Variants in SYNE1 observed in about 807,000 individuals in gnomAD.
The protein encoded by SYNE1 is spectrin repeat containing nuclear envelope protein 1, also known as nesprin-1.
SYNE1 carries 616 observed loss-of-function variants against 1,111.0 expected under a neutral mutation model. The observed-to-expected ratio is 0.55, with a 90% CI of 0.52 to 0.59. The LOEUF (loss-of-function observed/expected upper bound fraction) is 0.59, where lower values mean the gene tolerates loss of function less well. SYNE1 is among the 20% of genes least tolerant of loss of function. The pLI, the probability that SYNE1 is intolerant of heterozygous loss-of-function variation, is 0.00. For missense variants in SYNE1, 10,006 were observed against 10,417.0 expected, an observed-to-expected ratio of 0.96 and a Z score of 1.72; for synonymous variants, 3,855 against 3,825.8, an observed-to-expected ratio of 1.01 and a Z score of -0.28.
intron 6 of SYNE1, among the ~76,000 whole-genome samples, chr6:152,513,496 G>T (rs532419452): frequency 6.6e-6 from 1 of 152,012 alleles, no homozygotes; most frequent in Non-Finnish European, 1.5e-5. Flanking sequence ...ACCACACCCG[G>T]CTAATTTTTG....
intron 59 of SYNE1, among the ~76,000 whole-genome samples, chr6:152,372,003 CAAGT>C (rs907781820): frequency 2.6e-5 from 4 of 151,746 alleles, no homozygotes; most frequent in Non-Finnish European, 5.9e-5. Context: ...AGGAAAGAAT[CAAGT>C]AAAACAGATA....
At chr6:152,486,316 T>G (rs2098940274) in intron 12 of SYNE1, among the ~76,000 whole-genome samples, 2 of 152,168 alleles carry the variant, frequency 1.3e-5, no homozygotes, top group African/African-American at 4.8e-5. Flanking sequence ...AATGCAGCAT[T>G]TGCTACAGAT....
chr6:152,515,652 C>T (rs1448093895), intron 6 of SYNE1, among the ~76,000 whole-genome samples: 1 of 152,198 alleles, frequency 6.6e-6, no homozygotes, highest in Non-Finnish European at 1.5e-5. Context: ...TGGAACTCAC[C>T]TCATTCCTTT....
rs546948488 is a variant in SYNE1 at position 152,600,029 on chromosome 6, G to A, written c.67+28236C>T. Among the ~76,000 whole-genome samples, 4 of 152,298 alleles carry A rather than the reference G, an allele frequency of 2.6e-5. No homozygotes were observed. In the East Asian group the frequency reaches 5.8e-4, roughly 22 times the overall value. On this transcript the variant is annotated intron_variant, in intron 3 of 145. Transcript: ENST00000367255. ...AGAGATTCAGTAAATTCTATAAAAT[G>A]TCTCCCCTTTAGTGCCAACAAGAGC...
chr6:152,421,691 A>C (rs916104191), intron 39 of SYNE1, among the ~76,000 whole-genome samples: 1 of 148,680 alleles, frequency 6.7e-6, no homozygotes, highest in African/African-American at 2.5e-5. Context: ...TTATTTATTT[A>C]TTTATTTATT....
intron 41 of SYNE1, among the ~76,000 whole-genome samples, chr6:152,415,789 T>TAAAA (rs1209590450): frequency 0.021 from 1,558 of 72,988 alleles, 134 homozygotes; most frequent in African/African-American, 0.036. Context: ...TTCAAAGTGG[T>TAAAA]AAAAAAAAAA....
intron 5 of SYNE1, among the ~76,000 whole-genome samples, 165 bp downstream of exon 5, chr6:152,525,915 T>C (rs2099161469): frequency 6.6e-6 from 1 of 152,188 alleles, no homozygotes. Context: ...AATATATTCC[T>C]TGCACCTAGA....
chr6:152,251,174 C>G (rs546358333), intron 104 of SYNE1, among the ~76,000 whole-genome samples: 2 of 152,016 alleles, frequency 1.3e-5, no homozygotes, highest in South Asian at 4.1e-4. Flanking sequence ...TGGTCGCGAA[C>G]TCCTGAGCTC....
chr6:152,442,103 C>A lies in SYNE1; in HGVS notation c.3980G>T (p.Ser1327Ile). ...GATGCGGCGTTCCTGCCTCTCCCGG[C>A]TGCGCTCCAGGCCATCCAGTGTGCT... is the stretch of plus-strand genomic sequence containing the variant. The part of the protein sequence containing the change: ...LESTLDGLER[S>I]RERQERRIQV... The change falls in exon 31 of 146, where the codon AGC (serine) becomes ATC (isoleucine). Residue 1327 changes from serine (S) to isoleucine (I), a missense_variant. This residue lies in a region of SYNE1 where 1,971 missense variants were observed against 2,084.1 expected (regional missense o/e 0.95). Transcript: ENST00000367255. 6.2e-7 allele frequency: 1 copy of A among 1,614,118 alleles called. No homozygotes were observed. Among genetic ancestry groups the A allele is most frequent in the East Asian group, 2.2e-5 (1 of 44,884 alleles).
At chr6:152,226,452 C>G (rs570274457) in intron 115 of SYNE1, among the ~76,000 whole-genome samples, 2 of 152,146 alleles carry the variant, frequency 1.3e-5, no homozygotes, top group Non-Finnish European at 2.9e-5. Context: ...CTCTAAAATA[C>G]TCTGAATTCT....
At chr6:152,606,647 G>T (rs955324848) in intron 3 of SYNE1, among the ~76,000 whole-genome samples, 22 of 151,234 alleles carry the variant, frequency 1.5e-4, no homozygotes, top group Admixed American at 4.0e-4. Flanking sequence ...GAGTTTTTTT[G>T]TTTGTTTGTT....
At chr6:152,576,995 T>C (rs2099499187) in intron 3 of SYNE1, among the ~76,000 whole-genome samples, 1 of 152,184 alleles carries the variant, frequency 6.6e-6, no homozygotes, top group African/African-American at 2.4e-5. Flanking sequence ...AATGCCAGCT[T>C]TTATTGTCAG....
At chr6:152,227,057 A>C (rs2081754447) in intron 115 of SYNE1, among the ~76,000 whole-genome samples, 1 of 152,190 alleles carries the variant, frequency 6.6e-6, no homozygotes, top group Non-Finnish European at 1.5e-5. Context: ...AATAAGATTG[A>C]AATTGGATAG....
chr6:152,247,727 T>TTATA (rs1183787546), intron 105 of SYNE1, among the ~76,000 whole-genome samples: 3,656 of 117,424 alleles, frequency 0.031, 89 homozygotes, highest in East Asian at 0.058. Flanking sequence ...ATATTTTTTA[T>TTATA]TATATATATA....
chr6:152,371,385 C>T (rs2097177094), intron 59 of SYNE1, among the ~76,000 whole-genome samples: 1 of 151,710 alleles, frequency 6.6e-6, no homozygotes, highest in African/African-American at 2.4e-5. Flanking sequence ...TATTTGCTTC[C>T]CCTTCTGCCA....
Position 152,133,324 on chromosome 6 carries a change from A to G in SYNE1, c.25953T>C (p.Arg8651=). Residue 8651 remains arginine (R), a synonymous_variant, in exon 143 of 146, where the codon CGT becomes CGC. Transcript: ENST00000367255. ...RLKLLLKEVS[R]HIKELEKLLD... The stretch of plus-strand genomic sequence containing the variant: ...ATAACTTCTCCAGTTCCTTGATATG[A>G]CGACTGACCTCCTTCAAGAGAAGTT... The G allele has an allele frequency of 1.2e-6, 2 of 1,614,146 alleles. No individual in the cohort carries two copies. The highest frequency in any genetic ancestry group is 1.7e-6 in the Non-Finnish European group (2 of 1,180,014).
chr6:152,363,730 T>A (rs1486563050), intron 63 of SYNE1: 3 of 454,836 alleles, frequency 6.6e-6, no homozygotes, highest in African/African-American at 6.0e-5. Flanking sequence ...TAGCCCCTGA[T>A]GTACTCTCAG....
chr6:152,165,183 A>G (rs2063393408), intron 130 of SYNE1, among the ~76,000 whole-genome samples: 1 of 151,614 alleles, frequency 6.6e-6, no homozygotes, highest in African/African-American at 2.4e-5. Context: ...GCCAACTACC[A>G]GCCACCACCG....
intron 143 of SYNE1, among the ~76,000 whole-genome samples, chr6:152,132,731 T>G (rs2056111649): frequency 6.6e-6 from 1 of 152,188 alleles, no homozygotes; most frequent in Non-Finnish European, 1.5e-5. Flanking sequence ...ATGGCAGGAT[T>G]TCACAGCAGA....
Sources: allele counts gnomAD v4.1 joint callset (sites outside exome capture counted in the v4.1 genomes callset), GRCh38; gene constraint gnomAD v4.1.1; regional missense constraint gnomAD v4.1.1; transcripts MANE v1.5; gene names NCBI Gene and HGNC (gene_info 2026-07-23, HGNC 2026-07-21).